ELMO1: variants seen among roughly 807,000 people sequenced by gnomAD.
ELMO1 encodes engulfment and cell motility protein 1.
Under a neutral mutation model 98.9 loss-of-function variants are expected in ELMO1, and 26 were observed. The ratio of observed to expected loss-of-function variants is 0.26; its 90% CI spans 0.19 to 0.36. The LOEUF (loss-of-function observed/expected upper bound fraction) is 0.36. ELMO1 is among the 10% of genes least tolerant of loss of function. ELMO1 has a pLI of 1.00. For missense variants in ELMO1, 627 were observed against 935.2 expected, an observed-to-expected ratio of 0.67 and a Z score of 4.30; for synonymous variants, 346 against 346.0, an observed-to-expected ratio of 1.00 and a Z score of 0.00.
Position 37,053,673 on chromosome 7 carries a change from G to A in ELMO1, c.1301-40238C>T, listed in dbSNP as rs1584571496. 3.9e-5 allele frequency among the ~76,000 whole-genome samples: 6 copies of A among 152,262 alleles called. No homozygotes were observed. In the South Asian group the frequency reaches 1.2e-3, roughly 32 times the overall value. On this transcript the variant is annotated intron_variant, in intron 15 of 21. Transcript: ENST00000310758. ...GGATCTGGAAACTATATTTTTGTGA[G>A]TGTAGCCGGATACTGCACTGGTTTT...
rs117809202 is a variant in ELMO1, at chr7:37,155,890, C to T, written c.1087-22656G>A. ...ATATACATTCTTCTCAGCACGACAT[C>T]GCACTTATTCCACAATTGACCACAT... On this transcript the variant is annotated intron_variant, in intron 13 of 21. Coordinates refer to ENST00000310758, the MANE Select transcript of ELMO1 (RefSeq NM_014800.11). 2.8e-3 allele frequency among the ~76,000 whole-genome samples: 422 copies of T among 152,260 alleles called. 9 individuals carry two copies. The East Asian group carries it at 0.064, about 23-fold the overall frequency.
intron 14 of ELMO1, among the ~76,000 whole-genome samples, chr7:37,109,653 C>T (rs945605768): frequency 6.6e-6 from 1 of 152,120 alleles, no homozygotes; most frequent in Non-Finnish European, 1.5e-5. Context: ...ACTCGTGTTT[C>T]CTAGGTGATG....
intron 15 of ELMO1, among the ~76,000 whole-genome samples, chr7:37,047,837 G>C (rs1335117464): frequency 6.6e-6 from 1 of 151,728 alleles, no homozygotes; most frequent in Non-Finnish European, 1.5e-5. Context: ...ATACAGTACA[G>C]ACTAGTTTTC....
intron 4 of ELMO1, among the ~76,000 whole-genome samples, chr7:37,305,079 TTC>T (rs765112340): frequency 6.6e-6 from 1 of 152,278 alleles, no homozygotes; most frequent in East Asian, 1.9e-4. Flanking sequence ...AAGCCAACAA[TTC>T]TCTCTACTCT....
chr7:37,031,460 G>A (rs142941503), intron 15 of ELMO1, among the ~76,000 whole-genome samples: 1 of 152,246 alleles, frequency 6.6e-6, no homozygotes, highest in Non-Finnish European at 1.5e-5. Flanking sequence ...TTTTCCCTCT[G>A]CCTTAATCAC....
rs140432498 is a variant in ELMO1, at chr7:37,438,858, T to C, written c.-74+9817A>G. Reference sequence around the variant, plus strand: ...CCCTCCATTAACAAGTATGTGCTTATGGCGCTTTAAACCTCAAAGACTCCT... The same window carrying C: ...CCCTCCATTAACAAGTATGTGCTTACGGCGCTTTAAACCTCAAAGACTCCT... On this transcript the variant is annotated intron_variant, in intron 1 of 21. Transcript: ENST00000310758. Among the ~76,000 whole-genome samples, 740 of 152,312 alleles carry C rather than the reference T, an allele frequency of 4.9e-3. 4 individuals are homozygous for C. The highest frequency in any genetic ancestry group is 8.4e-3 in the Non-Finnish European group (573 of 68,014).
At chr7:37,367,505 C>G (rs1801950808) in intron 1 of ELMO1, among the ~76,000 whole-genome samples, 1 of 152,140 alleles carries the variant, frequency 6.6e-6, no homozygotes, top group Non-Finnish European at 1.5e-5. Context: ...GGAAGGGCAC[C>G]ATTGATTTCT....
chr7:37,113,404 T>C (rs1423304199), intron 14 of ELMO1, among the ~76,000 whole-genome samples: 1 of 152,208 alleles, frequency 6.6e-6, no homozygotes, highest in Non-Finnish European at 1.5e-5. Flanking sequence ...ATATCGAGCA[T>C]GTAAGAAACA....
intron 15 of ELMO1, among the ~76,000 whole-genome samples, chr7:37,024,008 A>T (rs1794427556): frequency 6.6e-6 from 1 of 152,110 alleles, no homozygotes; most frequent in Non-Finnish European, 1.5e-5. Flanking sequence ...GTTTCTTTCA[A>T]ATCATCTCCC....
At chr7:37,340,169 C>A (rs150953112) in intron 2 of ELMO1, among the ~76,000 whole-genome samples, 13 of 152,196 alleles carry the variant, frequency 8.5e-5, no homozygotes, top group Non-Finnish European at 1.9e-4. Context: ...ATATGGATTA[C>A]GAACTGTGAA....
At chr7:37,381,084 C>T (rs913185051) in intron 1 of ELMO1, among the ~76,000 whole-genome samples, 9 of 152,226 alleles carry the variant, frequency 5.9e-5, no homozygotes, top group African/African-American at 1.9e-4. Flanking sequence ...TCAAATTTTT[C>T]ATTGCTCTGC....
chr7:37,117,322 T>A (rs141914824), intron 14 of ELMO1: 1 of 152,504 alleles, frequency 6.6e-6, no homozygotes, highest in African/African-American at 2.4e-5. Flanking sequence ...CTTTCAGGTC[T>A]GCTTCAGATT....
At chr7:37,259,599 G>A (rs994391848) in intron 5 of ELMO1, among the ~76,000 whole-genome samples, 1 of 152,146 alleles carries the variant, frequency 6.6e-6, no homozygotes, top group East Asian at 1.9e-4. Context: ...TTTCCATTTC[G>A]AGGAAAAGCA....
At chr7:36,970,874 C>T (rs747684767) in intron 16 of ELMO1, among the ~76,000 whole-genome samples, 1 of 152,170 alleles carries the variant, frequency 6.6e-6, no homozygotes, top group Admixed American at 6.5e-5. Flanking sequence ...AGAACATCGA[C>T]GCACAGGATA....
chr7:37,234,595 A>G (rs1020253047), intron 7 of ELMO1, among the ~76,000 whole-genome samples: 4 of 152,346 alleles, frequency 2.6e-5, no homozygotes, highest in Admixed American at 2.6e-4. Context: ...GTGGAGTCAG[A>G]CAGCAGGGGT....
intron 15 of ELMO1, among the ~76,000 whole-genome samples, chr7:37,095,886 T>C (rs554145324): frequency 3.9e-5 from 6 of 152,330 alleles, no homozygotes; most frequent in Admixed American, 1.3e-4. Context: ...GAAAGATTTA[T>C]ATGTGTGCTG....
intron 1 of ELMO1, among the ~76,000 whole-genome samples, chr7:37,438,037 C>G (rs552573400): frequency 6.6e-6 from 1 of 152,036 alleles, no homozygotes; most frequent in African/African-American, 2.4e-5. Flanking sequence ...CTATTGCCAC[C>G]ATGCTGTGTA....
intron 2 of ELMO1, among the ~76,000 whole-genome samples, chr7:37,330,427 G>A (rs1800041366): frequency 6.6e-6 from 1 of 152,098 alleles, no homozygotes; most frequent in Admixed American, 6.6e-5. Context: ...TCTTTCTGCT[G>A]TTGGTTTTTG....
At chr7:37,214,675 G>A (rs1275719833) in intron 11 of ELMO1, among the ~76,000 whole-genome samples, 1 of 79,166 alleles carries the variant, frequency 1.3e-5, no homozygotes, top group Admixed American at 9.8e-5. Flanking sequence ...GCTAGATAAC[G>A]GATGGTTAGG....
Sources: gnomAD v4.1 joint callset for allele counts (sites outside exome capture counted in the v4.1 genomes callset) on GRCh38, gnomAD v4.1.1 for gene constraint, MANE v1.5 for transcripts, NCBI Gene and HGNC (gene_info 2026-07-23, HGNC 2026-07-21) for gene names.